Variants in ZC3H12B observed in about 807,000 individuals in gnomAD.
ZC3H12B encodes probable ribonuclease ZC3H12B.
Under a neutral mutation model 43.9 loss-of-function variants are expected in ZC3H12B, and 7 were observed. The ratio of observed to expected loss-of-function variants is 0.16; its 90% CI spans 0.09 to 0.30. The LOEUF (loss-of-function observed/expected upper bound fraction) is 0.30, where lower values mean the gene tolerates loss of function less well. Ranked by LOEUF, ZC3H12B falls within the 10% of genes least tolerant of loss-of-function variation. ZC3H12B has a pLI of 1.00. For synonymous variants in ZC3H12B, 222 were observed against 241.7 expected, an observed-to-expected ratio of 0.92 and a Z score of 0.76; for missense variants, 475 against 670.2, an observed-to-expected ratio of 0.71 and a Z score of 3.22.
At chrX:65,190,460 C>T in the ZC3H12B span, among the ~76,000 whole-genome samples, 1 of 110,570 alleles carries the variant, frequency 9.0e-6, no homozygotes, top group African/African-American at 3.3e-5. Context: ...TGTTTGTATC[C>T]TCTTTTATTT....
chrX:65,436,326 T>C (rs936353000), intron 3 of ZC3H12B, among the ~76,000 whole-genome samples: 1 of 112,084 alleles, frequency 8.9e-6, no homozygotes, highest in Non-Finnish European at 1.9e-5. Flanking sequence ...AGCCAAACCA[T>C]ATCAAACCAC....
the ZC3H12B span, among the ~76,000 whole-genome samples, chrX:65,246,082 A>G: frequency 9.0e-6 from 1 of 111,727 alleles, no homozygotes; most frequent in Non-Finnish European, 1.9e-5. Flanking sequence ...TACCAAATCA[A>G]TGTGCAAAAA....
the ZC3H12B span, among the ~76,000 whole-genome samples, chrX:65,270,060 C>T: frequency 9.1e-6 from 1 of 109,863 alleles, no homozygotes; most frequent in African/African-American, 3.4e-5. Flanking sequence ...CCATAAAAAT[C>T]CCTGAATAAC....
the ZC3H12B span, among the ~76,000 whole-genome samples, chrX:65,202,089 T>C: frequency 2.2e-5 from 2 of 91,952 alleles, no homozygotes; most frequent in African/African-American, 7.6e-5. Context: ...ATAATATATG[T>C]AATATATATA....
At chrX:65,145,632 C>T in the ZC3H12B span, among the ~76,000 whole-genome samples, 1 of 111,260 alleles carries the variant, frequency 9.0e-6, no homozygotes, top group Non-Finnish European at 1.9e-5. Flanking sequence ...GATGTGTTTC[C>T]AGGATTGACT....
At chrX:65,062,357 C>T in the ZC3H12B span, among the ~76,000 whole-genome samples, 14 of 111,976 alleles carry the variant, frequency 1.3e-4, no homozygotes, top group East Asian at 3.9e-3. Context: ...GGAAAGGTTC[C>T]AGTTTCAGTT....
the ZC3H12B span, among the ~76,000 whole-genome samples, chrX:65,299,924 C>A: frequency 8.9e-6 from 1 of 112,103 alleles, no homozygotes; most frequent in African/African-American, 3.2e-5. Context: ...AGGATTTGAC[C>A]TTACATAGAG....
the ZC3H12B span, among the ~76,000 whole-genome samples, chrX:65,227,269 C>A: frequency 9.0e-6 from 1 of 111,577 alleles, no homozygotes; most frequent in Non-Finnish European, 1.9e-5. Flanking sequence ...GAACAACCTG[C>A]TCCTGAATGA....
chrX:65,293,587 C>G, the ZC3H12B span, among the ~76,000 whole-genome samples: 1 of 107,684 alleles, frequency 9.3e-6, no homozygotes, highest in Non-Finnish European at 1.9e-5. Context: ...TGAATACCAA[C>G]TTAAAGAAAT....
the ZC3H12B span, among the ~76,000 whole-genome samples, chrX:65,053,858 GTGA>G: frequency 4.5e-5 from 5 of 112,094 alleles, no homozygotes; most frequent in Non-Finnish European, 7.5e-5. Flanking sequence ...CTGATGGCCA[GTGA>G]TGATGAGCAT....
chrX:65,395,100 T>C (rs1032185560), intron 2 of ZC3H12B, among the ~76,000 whole-genome samples: 3 of 111,537 alleles, frequency 2.7e-5, no homozygotes, highest in African/African-American at 9.8e-5. Flanking sequence ...ACTTAAGGAG[T>C]TTTTGGGCTG....
At chrX:65,357,866 C>G in the ZC3H12B span, among the ~76,000 whole-genome samples, 1 of 111,258 alleles carries the variant, frequency 9.0e-6, no homozygotes, top group Non-Finnish European at 1.9e-5. Flanking sequence ...TGTAAATGAG[C>G]TAAATGCCCC....
the ZC3H12B span, among the ~76,000 whole-genome samples, chrX:65,072,684 G>A: frequency 1.8e-5 from 2 of 112,181 alleles, no homozygotes; most frequent in Non-Finnish European, 3.8e-5. Flanking sequence ...GGCAGCCAGA[G>A]AATTTCATAG....
the ZC3H12B span, among the ~76,000 whole-genome samples, chrX:65,190,811 C>T: frequency 3.8e-5 from 4 of 104,810 alleles, no homozygotes; most frequent in African/African-American, 1.4e-4. Context: ...GCCTAATTGC[C>T]CTGGCCAGAA....
the ZC3H12B span, among the ~76,000 whole-genome samples, chrX:65,116,826 C>A: frequency 1.8e-5 from 2 of 110,883 alleles, no homozygotes; most frequent in Non-Finnish European, 3.8e-5. Context: ...GTTTTCTGTT[C>A]TTGTGATACT....
the ZC3H12B span, among the ~76,000 whole-genome samples, chrX:65,189,855 G>C: frequency 1.8e-5 from 2 of 109,758 alleles, no homozygotes; most frequent in Non-Finnish European, 3.8e-5. Flanking sequence ...TGGTGTTTTG[G>C]ACATGAAGTC....
the ZC3H12B span, among the ~76,000 whole-genome samples, chrX:65,346,206 C>G: frequency 1.8e-5 from 2 of 109,176 alleles, no homozygotes; most frequent in Non-Finnish European, 3.8e-5. Context: ...ACCTTGTTAC[C>G]TGACTTCAAA....
chrX:65,383,680 G>C (rs1257938485), intron 2 of ZC3H12B, among the ~76,000 whole-genome samples: 1 of 110,213 alleles, frequency 9.1e-6, no homozygotes, highest in Admixed American at 9.7e-5. Flanking sequence ...TACAAAATGG[G>C]AGAAAATTTT....
chrX:65,187,768 G>T, the ZC3H12B span, among the ~76,000 whole-genome samples: 101 of 109,142 alleles, frequency 9.3e-4, no homozygotes, highest in African/African-American at 3.4e-3. Flanking sequence ...AATACATGGG[G>T]TATCTGTGAT....
Sources: gnomAD v4.1 joint callset for allele counts (sites outside exome capture counted in the v4.1 genomes callset) on GRCh38, gnomAD v4.1.1 for gene constraint, MANE v1.5 for transcripts, NCBI Gene and HGNC (gene_info 2026-07-23, HGNC 2026-07-21) for gene names.